The following SGCG variants were observed in gnomAD, a reference collection of about 807,000 sequenced individuals.
The protein encoded by SGCG is gamma-sarcoglycan.
A neutral mutation model predicts 29.3 loss-of-function variants in SGCG; 26 were observed. That is an observed-to-expected ratio of 0.89 (90% CI 0.65 to 1.23). The LOEUF (loss-of-function observed/expected upper bound fraction) is 1.23. Ranked by LOEUF, SGCG falls within the 50% of genes most tolerant of loss-of-function variation. SGCG has a pLI of 0.00. For synonymous variants in SGCG, 145 were observed against 129.7 expected (o/e 1.12, Z -0.80); for missense variants, 353 against 356.0 (o/e 0.99, Z 0.07).
At chr13:23,244,506 G>C (rs531865477) in intron 3 of SGCG, 1 of 152,134 alleles carries the variant, frequency 6.6e-6, no homozygotes, top group East Asian at 1.9e-4. Context: ...CCTAAAAATA[G>C]AATTTTAATT....
At chr13:23,218,931 A>G (rs1878540332) in intron 2 of SGCG, among the ~76,000 whole-genome samples, 1 of 147,788 alleles carries the variant, frequency 6.8e-6, no homozygotes, top group African/African-American at 2.4e-5. Context: ...ATTATTTAGT[A>G]TAAATATATA....
At chr13:23,199,522 C>T (rs978675161) in intron 1 of SGCG, among the ~76,000 whole-genome samples, 2 of 152,180 alleles carry the variant, frequency 1.3e-5, no homozygotes, top group Non-Finnish European at 2.9e-5. Context: ...AATATAGTGT[C>T]TAATAAAAAT....
intron 6 of SGCG, among the ~76,000 whole-genome samples, chr13:23,299,451 TATATA>T (rs1298801806): frequency 1.1e-4 from 5 of 45,456 alleles, no homozygotes; most frequent in Non-Finnish European, 1.5e-4. Flanking sequence ...TATATATATA[TATATA>T]TTTTTTTTTT....
At chr13:23,163,033 T>C in the SGCG span, among the ~76,000 whole-genome samples, 2 of 152,170 alleles carry the variant, frequency 1.3e-5, no homozygotes, top group Non-Finnish European at 2.9e-5. Context: ...AGTGGTACAA[T>C]AATTCATACT....
intron 4 of SGCG, among the ~76,000 whole-genome samples, chr13:23,274,456 G>A (rs1275119753): frequency 7.3e-6 from 1 of 136,138 alleles, no homozygotes; most frequent in Non-Finnish European, 1.5e-5. Context: ...AGGCTGGAGT[G>A]CAGTGGTGCG....
chr13:23,205,792 G>A (rs1877961279), intron 2 of SGCG, among the ~76,000 whole-genome samples: 2 of 152,136 alleles, frequency 1.3e-5, no homozygotes, highest in African/African-American at 4.8e-5. Context: ...CATTGAGCAT[G>A]GCATTTGCTT....
rs909337064 is a variant in SGCG at position 23,199,811 on chromosome 13, G to A, written c.1-3884G>A. Among the ~76,000 whole-genome samples, 3 of 152,208 alleles carry A rather than the reference G, an allele frequency of 2.0e-5. No individual in the cohort carries two copies. The East Asian group carries it at 5.8e-4, about 29-fold the overall frequency. On this transcript the variant is annotated intron_variant, in intron 1 of 7. Transcript: ENST00000218867. ...ACTAGAAAGCAGGTCACCAGCTTCCGAAAAGCAGTGTGTGGTCAGTATTTT... is the reference window on the plus strand; with the variant it reads ...ACTAGAAAGCAGGTCACCAGCTTCCAAAAAGCAGTGTGTGGTCAGTATTTT...
chr13:23,283,630 G>A (rs988693721), intron 5 of SGCG, among the ~76,000 whole-genome samples: 5 of 152,156 alleles, frequency 3.3e-5, no homozygotes, highest in African/African-American at 1.2e-4. Context: ...GGTTAATACT[G>A]TTATGTGTGA....
intron 1 of SGCG, among the ~76,000 whole-genome samples, chr13:23,186,255 C>G (rs981377835): frequency 3.3e-5 from 5 of 152,210 alleles, no homozygotes; most frequent in African/African-American, 1.2e-4. Context: ...CATGGCTGAG[C>G]ATTTGCTCTC....
intron 5 of SGCG, among the ~76,000 whole-genome samples, chr13:23,292,739 A>G (rs1212574715): frequency 6.6e-6 from 1 of 152,176 alleles, no homozygotes; most frequent in African/African-American, 2.4e-5. Context: ...TATCTTAGTT[A>G]TGGAAAGAAA....
At position 23,293,146 on chromosome 13, in the gene SGCG, G is replaced by A. The variant is rs143905467; in HGVS notation, c.506-2269G>A. Among the ~76,000 whole-genome samples, 649 of 152,246 alleles carry A rather than the reference G, an allele frequency of 4.3e-3. 3 individuals are homozygous for A. Among genetic ancestry groups the A allele is most frequent in the African/African-American group, 0.015 (609 of 41,542 alleles). ...ACTTTACGTAATGATCTCCATTATC[G>A]TTTAGGTTTGCTTAAGTGGTATTTT... On this transcript the variant is annotated intron_variant, in intron 5 of 7. Coordinates refer to ENST00000218867, the MANE Select transcript of SGCG (RefSeq NM_000231.3).
At chr13:23,204,427 T>C (rs1877896985) in intron 2 of SGCG, among the ~76,000 whole-genome samples, 1 of 152,178 alleles carries the variant, frequency 6.6e-6, no homozygotes, top group Non-Finnish European at 1.5e-5. Flanking sequence ...TTTGTATTCT[T>C]TGATAATATT....
intron 1 of SGCG, among the ~76,000 whole-genome samples, chr13:23,196,789 T>G (rs2137489658): frequency 6.6e-6 from 1 of 152,160 alleles, no homozygotes. Context: ...TGGAGCTCTT[T>G]CAGAATGATG....
rs1254687383 is a variant in SGCG at position 23,299,435 on chromosome 13, TATATATATATATATATATATA to T, written c.578+3949_578+3969del. 4.8e-3 allele frequency among the ~76,000 whole-genome samples: 97 copies of T among 20,178 alleles called. 3 individuals carry two copies. The highest frequency in any genetic ancestry group is 0.012 in the African/African-American group (85 of 7,248). 13.2% of individuals were successfully genotyped at this position (20,178 alleles called of 152,430 possible). On this transcript the variant is annotated intron_variant, in intron 6 of 7. Coordinates refer to ENST00000218867, the MANE Select transcript of SGCG (RefSeq NM_000231.3). Reference sequence around the variant, plus strand: ...ATATATATATATATATATATATATATATATATATATATATATATATATTTTTTTTTTTTTTTTAGTCGGAGT... The same window carrying T: ...ATATATATATATATATATATATATATTTTTTTTTTTTTTTTTAGTCGGAGT...
chr13:23,182,455 G>A (rs3794371), intron 1 of SGCG, among the ~76,000 whole-genome samples: 71,688 of 151,362 alleles, frequency 0.47, 17,552 homozygotes, highest in Admixed American at 0.58. Flanking sequence ...ACACCTTCCT[G>A]TCTCTCCCTC....
At chr13:23,221,511 G>A (rs2137528201) in intron 2 of SGCG, among the ~76,000 whole-genome samples, 1 of 152,216 alleles carries the variant, frequency 6.6e-6, no homozygotes, top group East Asian at 1.9e-4. Flanking sequence ...GAGCTGCCAG[G>A]GCCATTCAGT....
At chr13:23,285,151 G>C (rs571825231) in intron 5 of SGCG, among the ~76,000 whole-genome samples, 1 of 152,304 alleles carries the variant, frequency 6.6e-6, no homozygotes, top group Admixed American at 6.5e-5. Context: ...TGGGAGATCC[G>C]CTGCTCTCTT....
At chr13:23,296,333 AAAT>A (rs1881907432) in intron 6 of SGCG, among the ~76,000 whole-genome samples, 1 of 152,240 alleles carries the variant, frequency 6.6e-6, no homozygotes, top group Non-Finnish European at 1.5e-5. Flanking sequence ...TTAGTAGTGA[AAAT>A]AACATTATAA....
chr13:23,270,788 A>G (rs1481736862), intron 4 of SGCG, among the ~76,000 whole-genome samples: 1 of 152,090 alleles, frequency 6.6e-6, no homozygotes, highest in African/African-American at 2.4e-5. Context: ...GAATTCACCT[A>G]TGTTTTCCTG....
Sources: gnomAD v4.1 joint callset for allele counts (sites outside exome capture counted in the v4.1 genomes callset) on GRCh38, gnomAD v4.1.1 for gene constraint, MANE v1.5 for transcripts, NCBI Gene and HGNC (gene_info 2026-07-23, HGNC 2026-07-21) for gene names.